The following DPP6 variants were observed in gnomAD, a reference collection of about 807,000 sequenced individuals.
DPP6 encodes A-type potassium channel modulatory protein DPP6.
In DPP6, 69 loss-of-function variants were observed where a neutral mutation model predicts 122.6. The ratio of observed to expected loss-of-function variants is 0.56; its 90% CI spans 0.46 to 0.69. The LOEUF (loss-of-function observed/expected upper bound fraction) is 0.69, where lower values mean the gene tolerates loss of function less well. Ranked by LOEUF, DPP6 falls within the 30% of genes least tolerant of loss-of-function variation. The pLI, the probability that DPP6 is intolerant of heterozygous loss-of-function variation, is 0.00. For missense variants in DPP6, 928 were observed against 1,116.9 expected, an observed-to-expected ratio of 0.83 and a Z score of 2.41; for synonymous variants, 418 against 433.1, an observed-to-expected ratio of 0.97 and a Z score of 0.43.
chr7:154,598,300 C>A (rs1356515129), intron 5 of DPP6, among the ~76,000 whole-genome samples: 1 of 152,168 alleles, frequency 6.6e-6, no homozygotes, highest in African/African-American at 2.4e-5. Flanking sequence ...TAAAGGAAAA[C>A]CGTTTTGGAA....
At position 153,928,396 on chromosome 7, in the gene DPP6, ATTTTTTTTTTT is replaced by A. The variant is rs71182854; in HGVS notation, c.51+40677_51+40687del. Among the ~76,000 whole-genome samples the A allele has an allele frequency of 1.8e-3, 80 of 43,700 alleles. 4 individuals carry two copies. Among genetic ancestry groups the A allele is most frequent in the African/African-American group, 5.9e-3 (75 of 12,648 alleles). 28.7% of individuals were successfully genotyped at this position (43,700 alleles called of 152,430 possible). ...CTGGCTAATTTTTTTCTTTTCTTTC[ATTTTTTTTTTT>A]TTTTTTTTTTTTTTGGTAGAGACAG... is the stretch of plus-strand genomic sequence containing the variant. On this transcript the variant is annotated intron_variant, in intron 1 of 25. Transcript: ENST00000404039.
chr7:153,963,543 G>GA (rs1795470034), intron 1 of DPP6, among the ~76,000 whole-genome samples: 1 of 150,768 alleles, frequency 6.6e-6, no homozygotes. Flanking sequence ...CCTGGGCTGT[G>GA]AATCAATATG....
chr7:154,322,062 C>G (rs1808018990), intron 1 of DPP6, among the ~76,000 whole-genome samples: 1 of 150,982 alleles, frequency 6.6e-6, no homozygotes, highest in Non-Finnish European at 1.5e-5. Flanking sequence ...ACCCCCAACC[C>G]CCAGCTTAGT....
rs374560513 is a variant in DPP6, at chr7:154,776,095, A to G, written c.1136+3153A>G. On this transcript the variant is annotated intron_variant, in intron 10 of 25. Transcript: ENST00000377770. ...AGCAGCCAGAGTAACCCTTTAAATG[A>G]CATCAGGCCACGTACCCGCTGCTCC... 2.6e-3 allele frequency among the ~76,000 whole-genome samples: 397 copies of G among 151,248 alleles called. 1 individual carries two copies. Among genetic ancestry groups the G allele is most frequent in the African/African-American group, 8.8e-3 (363 of 41,142 alleles).
the DPP6 span, among the ~76,000 whole-genome samples, chr7:153,753,453 GTAAGA>G: frequency 6.6e-6 from 1 of 151,556 alleles, no homozygotes; most frequent in Non-Finnish European, 1.5e-5. Context: ...TTTCCAGCTT[GTAAGA>G]TTCCTTTCCT....
chr7:154,419,481 C>T (rs2151223293), intron 1 of DPP6, among the ~76,000 whole-genome samples: 1 of 152,336 alleles, frequency 6.6e-6, no homozygotes, highest in South Asian at 2.1e-4. Context: ...AAGGACAAGT[C>T]CTGTGCAGAA....
chr7:153,835,647 C>T, the DPP6 span, among the ~76,000 whole-genome samples: 1 of 152,168 alleles, frequency 6.6e-6, no homozygotes, highest in African/African-American at 2.4e-5. Context: ...GAATAATCAC[C>T]TAACACACAG....
intron 1 of DPP6, among the ~76,000 whole-genome samples, chr7:154,408,427 G>A (rs1011088924): frequency 4.6e-5 from 7 of 151,838 alleles, no homozygotes; most frequent in African/African-American, 1.5e-4. Flanking sequence ...GTTTTATGTG[G>A]TTATTGTTTT....
chr7:154,231,270 G>C (rs970909426), intron 1 of DPP6, among the ~76,000 whole-genome samples: 2 of 152,168 alleles, frequency 1.3e-5, no homozygotes, highest in Admixed American at 1.3e-4. Flanking sequence ...TTTGTTGTCT[G>C]TGCCTTTCCT....
chr7:154,273,511 T>A (rs1291719741), intron 1 of DPP6, among the ~76,000 whole-genome samples: 1 of 152,234 alleles, frequency 6.6e-6, no homozygotes, highest in East Asian at 1.9e-4. Context: ...ATACACTTTT[T>A]ATACTGAAGC....
intron 1 of DPP6, among the ~76,000 whole-genome samples, chr7:154,379,564 G>A (rs995711765): frequency 4.6e-5 from 7 of 152,092 alleles, no homozygotes; most frequent in Non-Finnish European, 1.0e-4. Context: ...AAAGAGAATA[G>A]AAAGCTTGTC....
At chr7:154,318,015 A>G (rs539543983) in intron 1 of DPP6, among the ~76,000 whole-genome samples, 1 of 152,386 alleles carries the variant, frequency 6.6e-6, no homozygotes, top group African/African-American at 2.4e-5. Flanking sequence ...TATTCATTTC[A>G]TGAAACTCCA....
chr7:154,427,957 C>A (rs1370633953), intron 1 of DPP6, among the ~76,000 whole-genome samples: 3 of 152,216 alleles, frequency 2.0e-5, no homozygotes, highest in African/African-American at 7.2e-5. Flanking sequence ...TATGGAAGCA[C>A]TGAATCAGTT....
At chr7:154,098,114 T>C (rs1272386355) in intron 1 of DPP6, among the ~76,000 whole-genome samples, 2 of 152,184 alleles carry the variant, frequency 1.3e-5, no homozygotes, top group African/African-American at 2.4e-5. Context: ...TGTTGGATTA[T>C]GTTGGAGGAG....
At chr7:153,969,352 A>C (rs1245044738) in intron 1 of DPP6, among the ~76,000 whole-genome samples, 1 of 7,600 alleles carries the variant, frequency 1.3e-4, no homozygotes, top group Non-Finnish European at 1.9e-4. Context: ...GAGGAGGGTG[A>C]TTTTGACAGT....
At chr7:153,985,307 C>T (rs1466620267) in intron 1 of DPP6, among the ~76,000 whole-genome samples, 1 of 152,190 alleles carries the variant, frequency 6.6e-6, no homozygotes, top group African/African-American at 2.4e-5. Flanking sequence ...AAAGTTGTGT[C>T]TTTATCTTCT....
At chr7:154,246,035 A>G (rs146503284) in intron 1 of DPP6, among the ~76,000 whole-genome samples, 3 of 152,080 alleles carry the variant, frequency 2.0e-5, no homozygotes, top group African/African-American at 7.3e-5. Context: ...CAAGTATTAA[A>G]TCTTAAAGAT....
chr7:154,785,012 G>A (rs1797256823), intron 10 of DPP6, among the ~76,000 whole-genome samples: 1 of 152,178 alleles, frequency 6.6e-6, no homozygotes, highest in Non-Finnish European at 1.5e-5. Flanking sequence ...TAGAGCGGCT[G>A]TGATCAGGTG....
intron 1 of DPP6, among the ~76,000 whole-genome samples, chr7:154,132,421 C>G (rs1465372825): frequency 4.6e-5 from 7 of 152,150 alleles, no homozygotes. Flanking sequence ...CCATCCACCA[C>G]TGCTCATGCT....
Sources: allele counts gnomAD v4.1 joint callset (sites outside exome capture counted in the v4.1 genomes callset), GRCh38; gene constraint gnomAD v4.1.1; transcripts MANE v1.5; gene names NCBI Gene and HGNC (gene_info 2026-07-23, HGNC 2026-07-21).